Variants in SYT1 observed in about 807,000 individuals in gnomAD.
SYT1 encodes synaptotagmin-1.
SYT1 carries 8 observed loss-of-function variants against 44.8 expected under a neutral mutation model. The observed-to-expected ratio is 0.18, with a 90% CI of 0.10 to 0.32. The LOEUF is 0.32. Ranked by LOEUF, SYT1 falls within the 10% of genes least tolerant of loss-of-function variation. The pLI is 1.00. For missense variants in SYT1, 286 were observed against 509.3 expected, an observed-to-expected ratio of 0.56 and a Z score of 4.22; for synonymous variants, 154 against 188.8, an observed-to-expected ratio of 0.82 and a Z score of 1.51.
intron 1 of SYT1, among the ~76,000 whole-genome samples, chr12:78,895,030 AT>A (rs1389116826): frequency 6.6e-6 from 1 of 151,712 alleles, no homozygotes; most frequent in Non-Finnish European, 1.5e-5. Context: ...AACATACACA[AT>A]TTTTATTTGT....
At chr12:79,097,027 G>T (rs1878172024) in intron 3 of SYT1, among the ~76,000 whole-genome samples, 1 of 151,986 alleles carries the variant, frequency 6.6e-6, no homozygotes, top group African/African-American at 2.4e-5. Context: ...GTACGGAAGA[G>T]ACATTATTGA....
chr12:79,127,935 T>C (rs1868543902), intron 3 of SYT1, among the ~76,000 whole-genome samples: 1 of 152,128 alleles, frequency 6.6e-6, no homozygotes, highest in Non-Finnish European at 1.5e-5. Context: ...CATAGATAGA[T>C]AGATGGGTAG....
intron 3 of SYT1, among the ~76,000 whole-genome samples, chr12:79,159,762 C>A (rs1392467439): frequency 6.6e-6 from 1 of 151,988 alleles, no homozygotes; most frequent in East Asian, 1.9e-4. Flanking sequence ...AAGGCACCAT[C>A]GACTGTAGAG....
intron 1 of SYT1, among the ~76,000 whole-genome samples, chr12:78,960,070 A>T (rs574357514): frequency 1.4e-4 from 22 of 152,322 alleles, no homozygotes; most frequent in Admixed American, 1.1e-3. Context: ...TTGGTTTTTT[A>T]AAATTTTACC....
chr12:79,412,317 C>T (rs559681200), intron 9 of SYT1, among the ~76,000 whole-genome samples: 2 of 152,182 alleles, frequency 1.3e-5, no homozygotes, highest in South Asian at 4.2e-4. Context: ...TCTTCCCTTA[C>T]CAGTCAAGTG....
chr12:79,039,779 CA>C (rs934208995), intron 2 of SYT1, among the ~76,000 whole-genome samples: 1 of 130,600 alleles, frequency 7.7e-6, no homozygotes, highest in Non-Finnish European at 1.6e-5. Context: ...CCCCTCCCCC[CA>C]CCCAACAACA....
At chr12:78,917,810 C>T (rs536334122) in intron 1 of SYT1, among the ~76,000 whole-genome samples, 6 of 152,012 alleles carry the variant, frequency 3.9e-5, no homozygotes, top group African/African-American at 1.2e-4. Flanking sequence ...CTAAAGCCTA[C>T]GTTGTTGGAT....
At chr12:79,360,318 C>T (rs1021538906) in intron 9 of SYT1, among the ~76,000 whole-genome samples, 8 of 152,048 alleles carry the variant, frequency 5.3e-5, no homozygotes, top group Non-Finnish European at 1.2e-4. Flanking sequence ...AATACCTGGC[C>T]CACATGTCTA....
At chr12:78,878,524 T>C (rs915432058) in intron 1 of SYT1, among the ~76,000 whole-genome samples, 5 of 151,772 alleles carry the variant, frequency 3.3e-5, no homozygotes, top group East Asian at 1.9e-4. Flanking sequence ...TAGTGGTGAA[T>C]AAGTTTGAAG....
intron 1 of SYT1, among the ~76,000 whole-genome samples, chr12:78,948,169 T>C (rs972632685): frequency 6.6e-6 from 1 of 151,764 alleles, no homozygotes; most frequent in Non-Finnish European, 1.5e-5. Flanking sequence ...TAACTCAGTA[T>C]ATTAAAGGCT....
chr12:79,014,882 T>TA (rs1315999189), intron 2 of SYT1, among the ~76,000 whole-genome samples: 1 of 152,036 alleles, frequency 6.6e-6, no homozygotes, highest in Non-Finnish European at 1.5e-5. Context: ...TATGCAGCCA[T>TA]AAAAAATGAT....
intron 3 of SYT1, among the ~76,000 whole-genome samples, chr12:79,057,256 A>G (rs974170827): frequency 1.3e-5 from 2 of 152,024 alleles, no homozygotes; most frequent in African/African-American, 4.8e-5. Flanking sequence ...GTTAATATGA[A>G]TTGCTTAATC....
rs138356195 is a variant in SYT1 at position 79,281,701 on chromosome 12, T to A, written c.167-4086T>A. ...AAATGAAAAGACAGCAGAAAATACA[T>A]GACTAGCCCACATGAATATTACTAA... is the stretch of plus-strand genomic sequence containing the variant. On this transcript the variant is annotated intron_variant, in intron 4 of 10. Coordinates refer to ENST00000261205, the MANE Select transcript of SYT1 (RefSeq NM_005639.3). Among the ~76,000 whole-genome samples, 662 of 152,284 alleles carry A rather than the reference T, an allele frequency of 4.3e-3. 1 individual carries two copies. Among genetic ancestry groups the A allele is most frequent in the African/African-American group, 0.015 (628 of 41,560 alleles).
intron 3 of SYT1, among the ~76,000 whole-genome samples, chr12:79,102,675 G>A (rs1878508134): frequency 6.6e-6 from 1 of 152,166 alleles, no homozygotes; most frequent in African/African-American, 2.4e-5. Context: ...TAAATACTCA[G>A]CAAATACTGC....
intron 3 of SYT1, among the ~76,000 whole-genome samples, chr12:79,154,504 C>A (rs1024659994): frequency 2.0e-5 from 3 of 151,564 alleles, no homozygotes; most frequent in African/African-American, 4.8e-5. Context: ...GATTAGGAAG[C>A]AGTCTGACCC....
At chr12:79,258,940 ATGTT>A (rs1158879246) in intron 4 of SYT1, among the ~76,000 whole-genome samples, 1 of 152,208 alleles carries the variant, frequency 6.6e-6, no homozygotes, top group Non-Finnish European at 1.5e-5. Flanking sequence ...ACAACTCTAA[ATGTT>A]TGTGTGGAGA....
At chr12:79,159,967 ATTAAT>A (rs1277947551) in intron 3 of SYT1, among the ~76,000 whole-genome samples, 2 of 152,194 alleles carry the variant, frequency 1.3e-5, no homozygotes, top group African/African-American at 4.8e-5. Flanking sequence ...GAGAACATAA[ATTAAT>A]TGCAAAAATA....
intron 3 of SYT1, among the ~76,000 whole-genome samples, chr12:79,098,991 C>CA (rs34342756): frequency 9.9e-5 from 15 of 151,910 alleles, no homozygotes; most frequent in Non-Finnish European, 1.9e-4. Context: ...GAAATAATTC[C>CA]AAAAAATGCA....
At chr12:79,401,913 C>A (rs1267317847) in intron 9 of SYT1, among the ~76,000 whole-genome samples, 6 of 152,122 alleles carry the variant, frequency 3.9e-5, no homozygotes, top group African/African-American at 9.7e-5. Context: ...AAGCGATCCT[C>A]CCACCTTGAC....
Sources: gnomAD v4.1 joint callset for allele counts (sites outside exome capture counted in the v4.1 genomes callset) on GRCh38, gnomAD v4.1.1 for gene constraint, MANE v1.5 for transcripts, NCBI Gene and HGNC (gene_info 2026-07-23, HGNC 2026-07-21) for gene names.